The following TM9SF3 variants were observed in gnomAD, a reference collection of about 807,000 sequenced individuals.
TM9SF3 encodes the protein transmembrane 9 superfamily member 3.
A neutral mutation model predicts 78.6 loss-of-function variants in TM9SF3; 14 were observed. The ratio of observed to expected loss-of-function variants is 0.18; its 90% CI spans 0.12 to 0.28. The LOEUF (loss-of-function observed/expected upper bound fraction) is 0.28. Ranked by LOEUF, TM9SF3 falls within the 10% of genes least tolerant of loss-of-function variation. The probability of loss-of-function intolerance (pLI) is 1.00; values close to 1 mark genes in which losing one functional copy is unlikely to be tolerated. For missense variants in TM9SF3, 496 were observed against 721.9 expected, an observed-to-expected ratio of 0.69 and a Z score of 3.59; for synonymous variants, 231 against 241.7, an observed-to-expected ratio of 0.96 and a Z score of 0.41.
At chr10:96,551,604 C>T (rs763398656) in intron 6 of TM9SF3, among the ~76,000 whole-genome samples, 193 bp from the exon 7 acceptor site, 1 of 152,154 alleles carries the variant, frequency 6.6e-6, no homozygotes, top group Admixed American at 6.5e-5. Context: ...TGCTGAGGTT[C>T]AGGAAGTTGA....
intron 10 of TM9SF3, among the ~76,000 whole-genome samples, chr10:96,531,028 T>C (rs1022056808): frequency 1.3e-5 from 2 of 152,220 alleles, no homozygotes; most frequent in Admixed American, 1.3e-4. Context: ...CCTTGCCATC[T>C]CTTTGCTCAC....
Position 96,519,599 on chromosome 10 carries a change from C to G in TM9SF3, c.*2664G>C, listed in dbSNP as rs1041391449. On this transcript the variant is annotated 3_prime_UTR_variant, in exon 15 of 15. Transcript: ENST00000371142. ...AGCCTTAGTTTTTGATAGTATTATC[C>G]AAAGTGTGAGTTGAAAGAAATTAAG... is the stretch of plus-strand genomic sequence containing the variant. The G allele has an allele frequency of 6.6e-6, 1 of 151,844 alleles. No individual in the cohort carries two copies. The highest frequency in any genetic ancestry group is 6.6e-5 in the Admixed American group (1 of 15,250). 9.4% of individuals were successfully genotyped at this position (151,844 alleles called of 1,614,324 possible). A position where few individuals can be genotyped will look rare whatever the true frequency, so the allele number is the denominator to read the frequency against.
chr10:96,574,924 G>C (rs996843162), intron 2 of TM9SF3, among the ~76,000 whole-genome samples: 4 of 152,128 alleles, frequency 2.6e-5, no homozygotes, highest in African/African-American at 4.8e-5. Context: ...GCCCTGTCAG[G>C]GGGTGGGGGG....
At chr10:96,554,600 C>T (rs1848212844) in intron 5 of TM9SF3, among the ~76,000 whole-genome samples, 1 of 152,174 alleles carries the variant, frequency 6.6e-6, no homozygotes. Flanking sequence ...TAGTACTCTG[C>T]TGTGACTTCT....
intron 1 of TM9SF3, among the ~76,000 whole-genome samples, chr10:96,583,338 C>T (rs1268935923): frequency 6.6e-6 from 1 of 152,174 alleles, no homozygotes; most frequent in Admixed American, 6.5e-5. Context: ...CAAGCTCTCA[C>T]ACAGTCTTTT....
intron 8 of TM9SF3, among the ~76,000 whole-genome samples, chr10:96,547,333 C>A (rs1271735974): frequency 6.6e-6 from 1 of 152,128 alleles, no homozygotes; most frequent in Non-Finnish European, 1.5e-5. Context: ...GAGCCAGGCA[C>A]CTCAAAGCAA....
At position 96,522,197 on chromosome 10, in the gene TM9SF3, T is replaced by A; in HGVS notation, c.*66A>T. 1.4e-6 allele frequency: 2 copies of A among 1,380,496 alleles called. No individual in the cohort carries two copies. The highest frequency in any genetic ancestry group is 2.0e-6 in the Non-Finnish European group (2 of 992,268). The allele number at this position is 1,380,496 out of a possible 1,614,324, so 85.5% of individuals were successfully genotyped here. ...AAATCTCTTCTTGCGTTTGTTTGTTTTTGCTGTGCAAGTTCCACCCCTATG... is the reference window on the plus strand; with the variant it reads ...AAATCTCTTCTTGCGTTTGTTTGTTATTGCTGTGCAAGTTCCACCCCTATG... On this transcript the variant is annotated 3_prime_UTR_variant, in exon 15 of 15. Coordinates refer to ENST00000371142, the MANE Select transcript of TM9SF3 (RefSeq NM_020123.4).
At chr10:96,551,562 G>T in intron 6 of TM9SF3, 151 bp from the exon 7 acceptor site, 2 of 527,374 alleles carry the variant, frequency 3.8e-6, no homozygotes, top group Non-Finnish European at 6.2e-6. Context: ...TCCAAACTTA[G>T]AATGATCACT....
intron 1 of TM9SF3, among the ~76,000 whole-genome samples, 189 bp downstream of exon 1, chr10:96,586,544 TC>T (rs1269359857): frequency 6.6e-6 from 1 of 151,972 alleles, no homozygotes; most frequent in African/African-American, 2.4e-5. Context: ...CGGAGCCCTG[TC>T]CCGGGAGCGC....
chr10:96,544,248 A>G lies in TM9SF3; in HGVS notation c.1055-42T>C, dbSNP rs117451546. ...CTATGAAAGTTTAATATAATTATTTAGTACGAAATTATTTGTTTGAAATTT... is the reference window on the plus strand; with the variant it reads ...CTATGAAAGTTTAATATAATTATTTGGTACGAAATTATTTGTTTGAAATTT... On this transcript the variant is annotated intron_variant, in intron 8 of 14. Coordinates refer to ENST00000371142, the MANE Select transcript of TM9SF3 (RefSeq NM_020123.4). The G allele has an allele frequency of 1.0e-3, 1,523 of 1,468,650 alleles. 19 individuals carry two copies. In the East Asian group the frequency reaches 0.035, roughly 34 times the overall value. 91.0% of individuals were successfully genotyped at this position (1,468,650 alleles called of 1,614,324 possible). A position where few individuals can be genotyped will look rare whatever the true frequency, so the allele number is the denominator to read the frequency against.
intron 2 of TM9SF3, among the ~76,000 whole-genome samples, chr10:96,571,081 G>A (rs1365810045): frequency 2.0e-5 from 3 of 152,090 alleles, no homozygotes; most frequent in Non-Finnish European, 4.4e-5. Flanking sequence ...AATGGAAAAC[G>A]GTTGTAAGAT....
At chr10:96,556,946 A>G (rs904045914) in intron 5 of TM9SF3, among the ~76,000 whole-genome samples, 2 of 152,030 alleles carry the variant, frequency 1.3e-5, no homozygotes, top group Admixed American at 6.6e-5. Context: ...TCTATCCTCC[A>G]TGATACACTT....
At chr10:96,575,359 C>T (rs1396840747) in intron 2 of TM9SF3, among the ~76,000 whole-genome samples, 2 of 151,330 alleles carry the variant, frequency 1.3e-5, no homozygotes, top group Non-Finnish European at 2.9e-5. Flanking sequence ...AAACACAAGC[C>T]TCAAAGGTAT....
At chr10:96,567,975 T>C (rs1564938258) in intron 2 of TM9SF3, among the ~76,000 whole-genome samples, 1 of 152,222 alleles carries the variant, frequency 6.6e-6, no homozygotes, top group East Asian at 1.9e-4. Flanking sequence ...TTGAACAGTG[T>C]CTCTCAGAAG....
At chr10:96,577,019 A>G (rs1848504608) in intron 1 of TM9SF3, among the ~76,000 whole-genome samples, 190 bp from the exon 2 acceptor site, 1 of 152,164 alleles carries the variant, frequency 6.6e-6, no homozygotes, top group Non-Finnish European at 1.5e-5. Context: ...TTTTAAAATT[A>G]TATCCTCTGA....
chr10:96,561,695 T>C (rs757065657), intron 4 of TM9SF3, among the ~76,000 whole-genome samples: 1 of 152,216 alleles, frequency 6.6e-6, no homozygotes, highest in African/African-American at 2.4e-5. Flanking sequence ...TAAAAATACA[T>C]GACTGGGTTA....
At chr10:96,526,874 C>G (rs1847843868) in intron 14 of TM9SF3, among the ~76,000 whole-genome samples, 1 of 152,038 alleles carries the variant, frequency 6.6e-6, no homozygotes, top group Admixed American at 6.6e-5. Flanking sequence ...AATTCTCAAG[C>G]CAGGCACAGT....
chr10:96,555,684 T>C (rs1848226581), intron 5 of TM9SF3, among the ~76,000 whole-genome samples: 1 of 152,206 alleles, frequency 6.6e-6, no homozygotes, highest in African/African-American at 2.4e-5. Flanking sequence ...AATTTATTTA[T>C]TGAGCATCCA....
chr10:96,540,305 T>C (rs1421983366), intron 9 of TM9SF3, among the ~76,000 whole-genome samples: 2 of 152,214 alleles, frequency 1.3e-5, no homozygotes, highest in Non-Finnish European at 2.9e-5. Flanking sequence ...GATACTCTTA[T>C]AAGGTAGAAC....
Sources: allele counts gnomAD v4.1 joint callset (sites outside exome capture counted in the v4.1 genomes callset), GRCh38; gene constraint gnomAD v4.1.1; transcripts MANE v1.5; gene names NCBI Gene and HGNC (gene_info 2026-07-23, HGNC 2026-07-21).